FN1: variants seen among roughly 807,000 people sequenced by gnomAD.
The protein encoded by FN1 is fibronectin 1, also known as fibronectin.
FN1 carries 106 observed loss-of-function variants against 297.3 expected under a neutral mutation model. The ratio of observed to expected loss-of-function variants is 0.36; its 90% CI spans 0.30 to 0.42. FN1 has a LOEUF of 0.42. Ranked by LOEUF, FN1 falls within the 10% of genes least tolerant of loss-of-function variation. FN1 has a pLI of 1.00. For missense variants in FN1, 2,690 were observed against 3,124.9 expected (o/e 0.86, Z 3.32); for synonymous variants, 1,149 against 1,152.6 (o/e 1.00, Z 0.06).
At chr2:215,420,069 G>C (rs765434112) in intron 11 of FN1, among the ~76,000 whole-genome samples, 7 of 152,268 alleles carry the variant, frequency 4.6e-5, no homozygotes, top group Non-Finnish European at 7.4e-5. Context: ...AAAAAACCTA[G>C]AGTGTTTTGG....
intron 20 of FN1, among the ~76,000 whole-genome samples, chr2:215,403,767 A>T (rs2061423058): frequency 6.6e-6 from 1 of 152,236 alleles, no homozygotes; most frequent in South Asian, 2.1e-4. Flanking sequence ...GAATTTCAAG[A>T]GTAATTTAAG....
chr2:215,409,496 C>T (rs1421872357), intron 15 of FN1, 67 bp downstream of exon 15: 1 of 1,500,866 alleles, frequency 6.7e-7, no homozygotes, highest in Non-Finnish European at 9.3e-7. Flanking sequence ...TAGAGGCCAC[C>T]CACCCCCACA....
At chr2:215,425,048 AAAT>A (rs753089911) in intron 7 of FN1, 43 bp downstream of exon 7, 1 of 1,543,918 alleles carries the variant, frequency 6.5e-7, no homozygotes, top group Non-Finnish European at 9.0e-7. Context: ...TTCAAAAACT[AAAT>A]AATAAAGTCA....
rs201830085 is a variant in FN1, at chr2:215,379,116, C to T, written c.5622+14G>A. The T allele has an allele frequency of 1.7e-5, 28 of 1,610,934 alleles. No individual in the cohort carries two copies. The highest frequency in any genetic ancestry group is 1.3e-4 in the East Asian group (6 of 44,856). On this transcript the variant is annotated intron_variant, in intron 34 of 45. Transcript: ENST00000354785. ...TCTCCATCTTTATTCCAATGAACAA[C>T]GGTCATGTCTTACCATAAGTCCTGA... is the stretch of plus-strand genomic sequence containing the variant.
chr2:215,406,479 A>G lies in FN1; in HGVS notation c.2745T>C (p.Phe915=), dbSNP rs762378307. The G allele has an allele frequency of 6.2e-7, 1 of 1,614,122 alleles. No homozygotes were observed. The highest frequency in any genetic ancestry group is 8.5e-7 in the Non-Finnish European group (1 of 1,180,022). ...DTVPSPRDLQ[F]VEVTDVKVTI... ...TGACCTTCACGTCTGTCACTTCCAC[A>G]AACTGCAGGTCCCTGGGAGAGGGCA... Residue 915 remains phenylalanine, a synonymous_variant, in exon 19 of 46, where the codon TTT becomes TTC. Transcript: ENST00000354785.
chr2:215,376,171 A>T lies in FN1; in HGVS notation c.5887+327T>A, dbSNP rs1351161641. Among the ~76,000 whole-genome samples, 9 of 152,328 alleles carry T rather than the reference A, an allele frequency of 5.9e-5. No homozygotes were observed. The East Asian group carries it at 1.5e-3, about 26-fold the overall frequency. ...ACTTTTATATTAACTATGCTTTTTA[A>T]TGCTAAGATCTATACATCACTGTTT... On this transcript the variant is annotated intron_variant, in intron 36 of 45. Coordinates refer to ENST00000354785, the MANE Select transcript of FN1 (RefSeq NM_212482.4).
In FN1 at chr2:215,406,508, T is replaced by C. The variant is rs2061791324; in HGVS notation, c.2716A>G (p.Thr906Ala). ...QETTGTPRSD[T>A]VPSPRDLQFV... ...TGCAGGTCCCTGGGAGAGGGCACTG[T>C]ATCTGACAGACAAGAGTCAACTGGT... The change falls in exon 19 of 46, where the codon ACA becomes GCA. Residue 906 changes from threonine (T) to alanine (A), a missense_variant and splice_region_variant. By Grantham distance (58) the Thr-to-Ala change is moderately conservative. Transcript: ENST00000354785. The C allele has an allele frequency of 6.2e-7, 1 of 1,613,672 alleles. No homozygotes were observed. The highest frequency in any genetic ancestry group is 1.7e-5 in the Admixed American group (1 of 59,986).
At position 215,370,448 on chromosome 2, in the gene FN1, C is replaced by CA; in HGVS notation, c.6715-17dup. The CA allele has an allele frequency of 1.9e-6, 3 of 1,600,860 alleles. No homozygotes were observed. The highest frequency in any genetic ancestry group is 2.6e-6 in the Non-Finnish European group (3 of 1,171,844). On this transcript the variant is annotated splice_polypyrimidine_tract_variant and intron_variant, in intron 40 of 45. Coordinates refer to ENST00000354785, the MANE Select transcript of FN1 (RefSeq NM_212482.4). ...GAACCCTGAACTGCAATTATCGGTA[C>CA]ATCCAAAGCAGAGAGAAAGCATTAT...
rs1217164887 is a variant in FN1, at chr2:215,410,057, T to A, written c.1999A>T (p.Thr667Ser). The A allele has an allele frequency of 6.2e-7, 1 of 1,613,940 alleles. No individual in the cohort carries two copies. Among genetic ancestry groups the A allele is most frequent in the South Asian group, 1.1e-5 (1 of 91,052 alleles). ...ATIPGHLNSY[T>S]IKGLKPGVVY... ...ACACCAGGCTTCAGGCCTTTGATGG[T>A]GTAGGAGTTTAAGTGGCCTGGTATG... Residue 667 changes from threonine to serine, a missense_variant, in exon 14 of 46, where the codon ACC (threonine) becomes TCC (serine). Physicochemically the swap from Thr to Ser is moderately conservative, Grantham distance 58. Transcript: ENST00000354785.
chr2:215,428,321 C>T lies in FN1; in HGVS notation c.703G>A (p.Asp235Asn), dbSNP rs1193162183. 6.2e-7 allele frequency: 1 copy of T among 1,614,142 alleles called. No homozygotes were observed. The highest frequency in any genetic ancestry group is 8.5e-7 in the Non-Finnish European group (1 of 1,180,022). The change falls in exon 6 of 46, where the codon GAC (aspartate) becomes AAC (asparagine). Residue 235 changes from aspartate (D) to asparagine (N), a missense_variant. By Grantham distance (23) the Asp-to-Asn change is conservative. Transcript: ENST00000354785. ...CTSRNRCNDQ[D>N]TRTSYRIGDT... ...CCAATTCTATAGGATGTCCTTGTGT[C>T]CTGATCGTTGCATCTATCTGTGTCA...
intron 30 of FN1, 132 bp downstream of exon 30, chr2:215,383,888 G>T: frequency 1.0e-6 from 1 of 965,412 alleles, no homozygotes; most frequent in Non-Finnish European, 1.6e-6. Flanking sequence ...TTCGCTGCAG[G>T]TGCTAGCTGC....
chr2:215,378,795 C>T (rs2057752132), intron 34 of FN1, among the ~76,000 whole-genome samples: 1 of 152,044 alleles, frequency 6.6e-6, no homozygotes, highest in African/African-American at 2.4e-5. Context: ...TATTCTTTAC[C>T]AAGGTAACAG....
chr2:215,413,656 A>T (rs1013913951), intron 13 of FN1, among the ~76,000 whole-genome samples: 1 of 152,146 alleles, frequency 6.6e-6, no homozygotes, highest in African/African-American at 2.4e-5. Flanking sequence ...CACCTCTATC[A>T]GGGGTCTGAT....
Position 215,419,308 on chromosome 2 carries a change from A to T in FN1, c.1753T>A (p.Tyr585Asn). 6.2e-7 allele frequency: 1 copy of T among 1,613,228 alleles called. No individual in the cohort carries two copies. Among genetic ancestry groups the T allele is most frequent in the African/African-American group, 1.3e-5 (1 of 75,034 alleles). ...CCACGGCCATAGCAGTAGCACTGGT[A>T]TCTGACACCATGCACATACTTCTCC... ...SWEKYVHGVR[Y>N]QCYCYGRGIG... The change falls in exon 12 of 46, where the codon TAC (tyrosine) becomes AAC (asparagine). Residue 585 changes from tyrosine to asparagine, a missense_variant. Physicochemically the swap from Tyr to Asn is moderately radical, Grantham distance 143 (BLOSUM62 -2). Transcript: ENST00000354785.
At chr2:215,417,221 T>C (rs1481576956) in intron 12 of FN1, among the ~76,000 whole-genome samples, 1 of 152,214 alleles carries the variant, frequency 6.6e-6, no homozygotes, top group Non-Finnish European at 1.5e-5. Flanking sequence ...AATTGGCATA[T>C]ACTAGCTATC....
At chr2:215,426,852 CATTT>C (rs1431781373) in intron 6 of FN1, among the ~76,000 whole-genome samples, 1 of 151,974 alleles carries the variant, frequency 6.6e-6, no homozygotes, top group Non-Finnish European at 1.5e-5. Context: ...GGTAGACTGA[CATTT>C]ATAATTTTTT....
rs1026701930 is a variant in FN1 at position 215,381,202 on chromosome 2, A to G, written c.5165-122T>C. On this transcript the variant is annotated intron_variant, in intron 32 of 45. Transcript: ENST00000354785. ...TTTGATGAAGTCCAATTAACCCACT[A>G]TCAAAAGGAAAAATCACTTAAACAC... The G allele has an allele frequency of 3.3e-5, 31 of 945,258 alleles. 1 individual carries two copies. Among genetic ancestry groups the G allele is most frequent in the Admixed American group, 9.0e-5 (5 of 55,736 alleles). 58.6% of individuals were successfully genotyped at this position (945,258 alleles called of 1,614,324 possible). A position where few individuals can be genotyped will look rare whatever the true frequency, so the allele number is the denominator to read the frequency against.
intron 17 of FN1, among the ~76,000 whole-genome samples, chr2:215,407,727 T>C (rs923787694): frequency 1.3e-4 from 20 of 152,110 alleles, no homozygotes; most frequent in African/African-American, 2.9e-4. Flanking sequence ...ATGAGGCAGT[T>C]GAATCACCTA....
chr2:215,384,230 C>T (rs1326884382), intron 29 of FN1, 46 bp from the exon 30 acceptor site: 1 of 1,572,266 alleles, frequency 6.4e-7, no homozygotes, highest in Non-Finnish European at 8.8e-7. Context: ...TTTAGAGCTA[C>T]TTGGGTATTA....
Sources: gnomAD v4.1 joint callset for allele counts (sites outside exome capture counted in the v4.1 genomes callset) on GRCh38, gnomAD v4.1.1 for gene constraint, MANE v1.5 for transcripts, NCBI Gene and HGNC (gene_info 2026-07-23, HGNC 2026-07-21) for gene names.